Variants in PRELID2 observed in about 807,000 individuals in gnomAD.
PRELID2 encodes PRELI domain-containing protein 2.
A neutral mutation model predicts 28.4 loss-of-function variants in PRELID2; 25 were observed. The observed-to-expected ratio is 0.88, with a 90% CI of 0.64 to 1.23. PRELID2 has a LOEUF of 1.23. Ranked by LOEUF, PRELID2 falls within the 50% of genes most tolerant of loss-of-function variation. The pLI is 0.00. For synonymous variants in PRELID2, 76 were observed against 71.6 expected, an observed-to-expected ratio of 1.06 and a Z score of -0.31; for missense variants, 201 against 214.4, an observed-to-expected ratio of 0.94 and a Z score of 0.39.
chr5:145,551,838 A>T (rs1169857923), intron 1 of PRELID2, among the ~76,000 whole-genome samples: 2 of 152,134 alleles, frequency 1.3e-5, no homozygotes, highest in Non-Finnish European at 2.9e-5. Context: ...CAAAGGGAGG[A>T]AGTGGTTTAG....
intron 1 of PRELID2, among the ~76,000 whole-genome samples, chr5:145,688,717 A>G (rs1448297212): frequency 2.6e-5 from 4 of 152,246 alleles, no homozygotes; most frequent in Non-Finnish European, 5.9e-5. Context: ...GGAAGAACTT[A>G]AGGAAGACCC....
At chr5:145,796,906 G>A (rs987724900) in intron 4 of PRELID2, among the ~76,000 whole-genome samples, 1 of 151,984 alleles carries the variant, frequency 6.6e-6, no homozygotes, top group African/African-American at 2.4e-5. Flanking sequence ...CAACTACTGT[G>A]GCAAGTAAAT....
At chr5:145,263,963 T>C in the PRELID2 span, among the ~76,000 whole-genome samples, 1 of 152,056 alleles carries the variant, frequency 6.6e-6, no homozygotes, top group East Asian at 1.9e-4. Flanking sequence ...TGATCTCTGT[T>C]CACTACAACC....
At chr5:145,483,309 AGCATGTTTCTAC>A (rs1457679174) in intron 1 of PRELID2, among the ~76,000 whole-genome samples, 1 of 152,194 alleles carries the variant, frequency 6.6e-6, no homozygotes, top group Non-Finnish European at 1.5e-5. Flanking sequence ...CATTACAAAT[AGCATGTTTCTAC>A]TAGCTGTTTT....
intron 1 of PRELID2, among the ~76,000 whole-genome samples, chr5:145,557,912 T>C (rs993478706): frequency 1.3e-5 from 2 of 152,222 alleles, no homozygotes; most frequent in Non-Finnish European, 2.9e-5. Context: ...TGAAGTTGGT[T>C]CTTGCCTTGG....
chr5:145,354,845 A>C, the PRELID2 span, among the ~76,000 whole-genome samples: 1 of 152,180 alleles, frequency 6.6e-6, no homozygotes, highest in East Asian at 1.9e-4. Context: ...AACCTAATCA[A>C]CTGGGCAAAT....
At chr5:145,798,234 A>G (rs1487170301) in intron 4 of PRELID2, among the ~76,000 whole-genome samples, 1 of 152,150 alleles carries the variant, frequency 6.6e-6, no homozygotes, top group Non-Finnish European at 1.5e-5. Context: ...GGGACTTATA[A>G]GACATCATCA....
the PRELID2 span, among the ~76,000 whole-genome samples, chr5:145,332,676 T>G: frequency 2.6e-5 from 4 of 151,788 alleles, no homozygotes; most frequent in Non-Finnish European, 5.9e-5. Flanking sequence ...TCTAACCTTT[T>G]TTAAAGGTTC....
At chr5:145,776,786 T>C (rs1283828957) in intron 5 of PRELID2, among the ~76,000 whole-genome samples, 1 of 152,198 alleles carries the variant, frequency 6.6e-6, no homozygotes, top group African/African-American at 2.4e-5. Flanking sequence ...GCTAACTAAG[T>C]GGGGAGTGTT....
intron 1 of PRELID2, among the ~76,000 whole-genome samples, chr5:145,706,122 C>A (rs1482705358): frequency 6.6e-6 from 1 of 152,058 alleles, no homozygotes; most frequent in Non-Finnish European, 1.5e-5. Context: ...AAGGTTAAGT[C>A]ATAAAGTGTA....
At chr5:145,654,486 G>T (rs1364520053) in intron 1 of PRELID2, among the ~76,000 whole-genome samples, 1 of 152,146 alleles carries the variant, frequency 6.6e-6, no homozygotes, top group African/African-American at 2.4e-5. Flanking sequence ...GAACATTGAT[G>T]CAAAAATCCT....
intron 1 of PRELID2, among the ~76,000 whole-genome samples, chr5:145,579,932 C>G (rs550279787): frequency 2.0e-5 from 3 of 152,178 alleles, no homozygotes; most frequent in African/African-American, 7.2e-5. Context: ...GAAGACAGCT[C>G]TGTATACAAC....
chr5:145,817,421 T>TTATATATGTATATTTATA (rs1554099441), intron 4 of PRELID2, among the ~76,000 whole-genome samples: 2 of 103,606 alleles, frequency 1.9e-5, no homozygotes, highest in South Asian at 6.2e-4. Flanking sequence ...TAAGCTAGTT[T>TTATATATGTATATTTATA]TATATATATA....
At chr5:145,247,405 C>G in the PRELID2 span, among the ~76,000 whole-genome samples, 1 of 152,164 alleles carries the variant, frequency 6.6e-6, no homozygotes, top group Admixed American at 6.5e-5. Context: ...GTCTAGGCAG[C>G]AGGCAAGGTG....
chr5:145,419,806 A>C, the PRELID2 span, among the ~76,000 whole-genome samples: 2 of 151,912 alleles, frequency 1.3e-5, no homozygotes, highest in Non-Finnish European at 2.9e-5. Context: ...GTCCTTGCCC[A>C]TGCCTATGTC....
chr5:145,451,662 G>A, the PRELID2 span, among the ~76,000 whole-genome samples: 1 of 152,040 alleles, frequency 6.6e-6, no homozygotes, highest in Non-Finnish European at 1.5e-5. Flanking sequence ...AAACCTTAGG[G>A]GGACAGATTA....
At chr5:145,397,074 A>T in the PRELID2 span, among the ~76,000 whole-genome samples, 2 of 152,154 alleles carry the variant, frequency 1.3e-5, no homozygotes, top group African/African-American at 4.8e-5. Context: ...ACCTACCACT[A>T]AGCCCAGAGC....
chr5:145,592,465 CACAT>C (rs1753244429), intron 1 of PRELID2, among the ~76,000 whole-genome samples: 1 of 142,800 alleles, frequency 7.0e-6, no homozygotes, highest in East Asian at 2.0e-4. Flanking sequence ...AATATACACA[CACAT>C]ACATACACAC....
the PRELID2 span, among the ~76,000 whole-genome samples, chr5:145,429,164 G>A: frequency 6.6e-6 from 1 of 152,320 alleles, no homozygotes; most frequent in African/African-American, 2.4e-5. Context: ...AGCAAGGATA[G>A]AGATGGGATA....
Sources: allele counts gnomAD v4.1 joint callset (sites outside exome capture counted in the v4.1 genomes callset), GRCh38; gene constraint gnomAD v4.1.1; transcripts MANE v1.5; gene names NCBI Gene and HGNC (gene_info 2026-07-23, HGNC 2026-07-21).